Variants in RORA observed in about 807,000 individuals in gnomAD.
RORA encodes nuclear receptor ROR-alpha.
RORA carries 7 observed loss-of-function variants against 69.5 expected under a neutral mutation model. The observed-to-expected ratio is 0.10, with a 90% confidence interval of 0.06 to 0.19. The LOEUF (loss-of-function observed/expected upper bound fraction) is 0.19, where lower values mean the gene tolerates loss of function less well. Ranked by LOEUF, RORA falls within the 10% of genes least tolerant of loss-of-function variation. RORA has a pLI of 1.00. For missense variants in RORA, 457 were observed against 663.0 expected (o/e 0.69, Z 3.41); for synonymous variants, 261 against 240.8 (o/e 1.08, Z -0.78).
chr15:61,168,201 C>G (rs372319793), intron 1 of RORA, among the ~76,000 whole-genome samples: 1 of 148,734 alleles, frequency 6.7e-6, no homozygotes, highest in African/African-American at 2.6e-5. Context: ...CATATATACA[C>G]GCGCGTGCGT....
At chr15:61,049,126 G>A (rs887322609) in intron 1 of RORA, among the ~76,000 whole-genome samples, 1 of 152,166 alleles carries the variant, frequency 6.6e-6, no homozygotes, top group African/African-American at 2.4e-5. Context: ...TTCGGAAACT[G>A]CGGAGAGTTC....
chr15:60,843,235 A>T (rs1051178520), intron 1 of RORA, among the ~76,000 whole-genome samples: 1 of 152,168 alleles, frequency 6.6e-6, no homozygotes, highest in Non-Finnish European at 1.5e-5. Flanking sequence ...TCCCCATGTT[A>T]AGCAGAGACG....
intron 1 of RORA, among the ~76,000 whole-genome samples, chr15:60,833,754 T>C (rs891202799): frequency 8.5e-5 from 13 of 152,346 alleles, no homozygotes; most frequent in African/African-American, 3.1e-4. Context: ...CTTGTATCTC[T>C]GGAAAGGTTC....
chr15:60,919,820 A>G (rs1406355403), intron 1 of RORA, among the ~76,000 whole-genome samples: 1 of 152,092 alleles, frequency 6.6e-6, no homozygotes, highest in Non-Finnish European at 1.5e-5. Context: ...TTTGTTTTAT[A>G]TATTGTTTTG....
intron 2 of RORA, among the ~76,000 whole-genome samples, chr15:60,626,537 A>G (rs889151284): frequency 3.9e-5 from 6 of 152,164 alleles, no homozygotes; most frequent in African/African-American, 1.4e-4. Context: ...AATATCATTG[A>G]TGAACTACTT....
chr15:60,882,074 T>G (rs1395019691), intron 1 of RORA, among the ~76,000 whole-genome samples: 2 of 152,030 alleles, frequency 1.3e-5, no homozygotes, highest in African/African-American at 4.8e-5. Context: ...TTAACCCAGG[T>G]GGGGCTTCAG....
chr15:60,716,244 G>T (rs1283046980), intron 1 of RORA, among the ~76,000 whole-genome samples: 1 of 152,140 alleles, frequency 6.6e-6, no homozygotes, highest in Non-Finnish European at 1.5e-5. Flanking sequence ...GCAAGAAGTG[G>T]GCTACAGCCA....
At chr15:60,822,352 A>G (rs538563934) in intron 1 of RORA, among the ~76,000 whole-genome samples, 2 of 152,286 alleles carry the variant, frequency 1.3e-5, no homozygotes, top group Non-Finnish European at 2.9e-5. Flanking sequence ...CTCCAGCTAC[A>G]CTAACACAGA....
chr15:60,628,289 G>T (rs531768496), intron 2 of RORA, among the ~76,000 whole-genome samples: 2 of 152,302 alleles, frequency 1.3e-5, no homozygotes, highest in Admixed American at 6.5e-5. Flanking sequence ...AGGAGTACTG[G>T]TCAGCAGTGT....
At chr15:61,044,256 A>G (rs535795635) in intron 1 of RORA, among the ~76,000 whole-genome samples, 27 of 152,260 alleles carry the variant, frequency 1.8e-4, no homozygotes, top group African/African-American at 6.5e-4. Context: ...ACTGCTCCTC[A>G]AGTGAGGAGG....
intron 1 of RORA, among the ~76,000 whole-genome samples, chr15:60,923,492 G>T (rs11071570): frequency 3.3e-5 from 5 of 151,780 alleles, no homozygotes; most frequent in Non-Finnish European, 7.4e-5. Flanking sequence ...GGAGACCTGA[G>T]GTCATCTAGG....
At chr15:60,878,103 G>T (rs956922515) in intron 1 of RORA, among the ~76,000 whole-genome samples, 1 of 147,002 alleles carries the variant, frequency 6.8e-6, no homozygotes, top group African/African-American at 2.5e-5. Context: ...GAGGTGGGCG[G>T]ATCACGAGGT....
chr15:61,224,961 C>T (rs962540124), intron 1 of RORA, among the ~76,000 whole-genome samples: 3 of 152,114 alleles, frequency 2.0e-5, no homozygotes, highest in Non-Finnish European at 4.4e-5. Flanking sequence ...GGGCTCCTCA[C>T]CATGCCAGTA....
At position 60,871,951 on chromosome 15, in the gene RORA, A is replaced by G. The variant is rs911437021; in HGVS notation, c.167-193265T>C. ...TTAACGTTGGGAGACACTGGGTAAA[A>G]GGTATGCAGAAACTCTCTGCATTAT... On this transcript the variant is annotated intron_variant, in intron 1 of 10. Coordinates refer to ENST00000335670, the MANE Select transcript of RORA (RefSeq NM_134261.3). Among the ~76,000 whole-genome samples the G allele has an allele frequency of 2.6e-5, 4 of 152,250 alleles. No individual in the cohort carries two copies. The South Asian group carries it at 8.3e-4, about 31-fold the overall frequency.
At chr15:60,836,441 G>C (rs11634976) in intron 1 of RORA, among the ~76,000 whole-genome samples, 27,503 of 152,004 alleles carry the variant, frequency 0.18, 3,068 homozygotes, top group East Asian at 0.47. Context: ...CTCCCTCTCT[G>C]CCTGTCCAGA....
At chr15:60,690,669 G>C (rs1443139909) in intron 1 of RORA, among the ~76,000 whole-genome samples, 1 of 152,222 alleles carries the variant, frequency 6.6e-6, no homozygotes, top group African/African-American at 2.4e-5. Context: ...ATCTGGAATA[G>C]ACTAAAGAAA....
chr15:60,809,196 T>G (rs2072707272), intron 1 of RORA, among the ~76,000 whole-genome samples: 1 of 152,118 alleles, frequency 6.6e-6, no homozygotes, highest in Non-Finnish European at 1.5e-5. Context: ...ATGTAAAAAG[T>G]CCTTCAGCTC....
intron 1 of RORA, among the ~76,000 whole-genome samples, chr15:60,763,627 CA>C (rs557401994): frequency 1.6e-3 from 242 of 152,268 alleles, no homozygotes; most frequent in African/African-American, 5.6e-3. Flanking sequence ...AGCATGAACA[CA>C]ACCTTGCCTC....
At chr15:61,006,204 T>C (rs907411796) in intron 1 of RORA, among the ~76,000 whole-genome samples, 1 of 152,010 alleles carries the variant, frequency 6.6e-6, no homozygotes, top group African/African-American at 2.4e-5. Context: ...CTTGACTTCG[T>C]GATCTGCCCA....
Sources: allele counts gnomAD v4.1 joint callset (sites outside exome capture counted in the v4.1 genomes callset), GRCh38; gene constraint gnomAD v4.1.1; transcripts MANE v1.5; gene names NCBI Gene and HGNC (gene_info 2026-07-23, HGNC 2026-07-21).